TTC7B: variants seen among roughly 807,000 people sequenced by gnomAD.
The protein encoded by TTC7B is tetratricopeptide repeat domain 7B, also known as tetratricopeptide repeat protein 7B.
In TTC7B, 28 loss-of-function variants were observed where a neutral mutation model predicts 106.8. The ratio of observed to expected loss-of-function variants is 0.26; its 90% CI spans 0.19 to 0.36. The LOEUF (loss-of-function observed/expected upper bound fraction) is 0.36. TTC7B is among the 10% of genes least tolerant of loss of function. The pLI, the probability that TTC7B is intolerant of heterozygous loss-of-function variation, is 1.00. For missense variants in TTC7B, 862 were observed against 1,076.4 expected, an observed-to-expected ratio of 0.80 and a Z score of 2.79; for synonymous variants, 405 against 430.6, an observed-to-expected ratio of 0.94 and a Z score of 0.74.
chr14:90,631,926 C>T lies in TTC7B; in HGVS notation c.1751+12122G>A, dbSNP rs1332900950. 3.9e-5 allele frequency among the ~76,000 whole-genome samples: 6 copies of T among 152,128 alleles called. No homozygotes were observed. The East Asian group carries it at 9.6e-4, about 24-fold the overall frequency. ...TATTTGTATATCTTCTTTGGAGAAA[C>T]ATCTATGCAACTCCTTTCCTTTGCC... is the stretch of plus-strand genomic sequence containing the variant. On this transcript the variant is annotated intron_variant, in intron 15 of 19. Transcript: ENST00000328459.
chr14:90,569,417 G>A (rs539378753), intron 19 of TTC7B, among the ~76,000 whole-genome samples: 19 of 152,278 alleles, frequency 1.2e-4, no homozygotes, highest in Admixed American at 8.5e-4. Context: ...CCCAACAGAC[G>A]ACTGGGGAGT....
At chr14:90,609,839 C>A (rs1332593091) in intron 17 of TTC7B, among the ~76,000 whole-genome samples, 1 of 152,150 alleles carries the variant, frequency 6.6e-6, no homozygotes, top group African/African-American at 2.4e-5. Context: ...GGTTGAGCAT[C>A]CCTAATCTGA....
In TTC7B at chr14:90,805,194, G is replaced by A. The variant is rs971195669; in HGVS notation, c.121+10981C>T. 2.0e-5 allele frequency among the ~76,000 whole-genome samples: 3 copies of A among 152,122 alleles called. No homozygotes were observed. The highest frequency in any genetic ancestry group is 6.5e-5 in the Admixed American group (1 of 15,276). ...ATCTCAGACATCAGTCCAGGGCCTC[G>A]GGCCAGTGGCTGGCACACAGTAGGT... On this transcript the variant is annotated intron_variant, in intron 1 of 19. Transcript: ENST00000328459. The surrounding 1 kb of genome is among the most constrained non-coding windows in gnomAD (Gnocchi z 4.0).
Position 90,632,509 on chromosome 14 carries a change from T to C in TTC7B, c.1751+11539A>G, listed in dbSNP as rs527365981. The stretch of plus-strand genomic sequence containing the variant: ...AAAGAATGATTATAACTATGTTTCC[T>C]AGTTTTTTGATTCCAGGTTAACAGG... On this transcript the variant is annotated intron_variant, in intron 15 of 19. Coordinates refer to ENST00000328459, the MANE Select transcript of TTC7B (RefSeq NM_001010854.2). 3.3e-5 allele frequency among the ~76,000 whole-genome samples: 5 copies of C among 152,378 alleles called. No homozygotes were observed. The East Asian group carries it at 9.6e-4, about 29-fold the overall frequency.
At chr14:90,607,254 C>T (rs900861342) in intron 17 of TTC7B, among the ~76,000 whole-genome samples, 4 of 152,226 alleles carry the variant, frequency 2.6e-5, no homozygotes, top group African/African-American at 9.7e-5. Flanking sequence ...AATCTGCCTG[C>T]ACAGCGGGTG....
In TTC7B at chr14:90,635,504, T is replaced by C. The variant is rs1044117943; in HGVS notation, c.1751+8544A>G. 9.2e-5 allele frequency among the ~76,000 whole-genome samples: 14 copies of C among 152,250 alleles called. No homozygotes were observed. In the South Asian group the frequency reaches 2.1e-3, roughly 23 times the overall value. Reference sequence around the variant, plus strand: ...GGCCGGGCGCAGTGGTTCACGCCTGTAATCCCAGCACTTTGGGAGGCCGAG... The same window carrying C: ...GGCCGGGCGCAGTGGTTCACGCCTGCAATCCCAGCACTTTGGGAGGCCGAG... On this transcript the variant is annotated intron_variant, in intron 15 of 19. Coordinates refer to ENST00000328459, the MANE Select transcript of TTC7B (RefSeq NM_001010854.2).
chr14:90,766,839 G>T lies in TTC7B; in HGVS notation c.445+13899C>A, dbSNP rs1451445437. ...ATAGCCAGGTCCTAGCCAATGGTCT[G>T]GACAACAAGCTCCATGAAGACCTGG... On this transcript the variant is annotated intron_variant, in intron 3 of 19. Transcript: ENST00000328459. 6.9e-6 allele frequency: 11 copies of T among 1,596,560 alleles called. No homozygotes were observed. In the Admixed American group the frequency reaches 1.7e-4, roughly 24 times the overall value.
At chr14:90,708,607 A>T (rs933958544) in intron 5 of TTC7B, among the ~76,000 whole-genome samples, 1 of 152,222 alleles carries the variant, frequency 6.6e-6, no homozygotes, top group African/African-American at 2.4e-5. Flanking sequence ...CTTTCCAGAT[A>T]TTACTGCTCA....
At chr14:90,596,220 C>T (rs1595190066) in intron 17 of TTC7B, among the ~76,000 whole-genome samples, 2 of 152,242 alleles carry the variant, frequency 1.3e-5, no homozygotes, top group East Asian at 3.9e-4. Flanking sequence ...CACACATTTT[C>T]TACCAGGTTC....
chr14:90,730,802 C>G (rs767769198), intron 4 of TTC7B, among the ~76,000 whole-genome samples: 3 of 152,234 alleles, frequency 2.0e-5, no homozygotes, highest in Non-Finnish European at 2.9e-5. Context: ...AAAACACCCT[C>G]TCTCCCCAAA....
chr14:90,813,562 GA>G (rs1220596935), intron 1 of TTC7B, among the ~76,000 whole-genome samples: 1 of 151,950 alleles, frequency 6.6e-6, no homozygotes, highest in Non-Finnish European at 1.5e-5. Flanking sequence ...TCTAAAATGA[GA>G]AAACTGAGGC....
intron 1 of TTC7B, among the ~76,000 whole-genome samples, chr14:90,799,486 C>G (rs1823054090): frequency 6.6e-6 from 1 of 152,180 alleles, no homozygotes; most frequent in Admixed American, 6.5e-5. Flanking sequence ...AAGAGGGTGA[C>G]TGGGGCTACT....
chr14:90,562,526 A>C (rs1595161129), intron 19 of TTC7B, among the ~76,000 whole-genome samples: 1 of 152,186 alleles, frequency 6.6e-6, no homozygotes, highest in Admixed American at 6.5e-5. Context: ...AAAAGTTCCA[A>C]CCTGCAGAAA....
rs149529677 is a variant in TTC7B, at chr14:90,592,084, C to T, written c.2107+1402G>A. Among the ~76,000 whole-genome samples the T allele has an allele frequency of 4.9e-3, 739 of 152,326 alleles. 2 individuals are homozygous for T. Among genetic ancestry groups the T allele is most frequent in the Non-Finnish European group, 8.3e-3 (567 of 68,034 alleles). On this transcript the variant is annotated intron_variant, in intron 18 of 19. Transcript: ENST00000328459. ...AAAAGGCTGACTGAGCTGGGCTCTG[C>T]GGCATGCCAAGGCCAGGTAAATCCA...
intron 17 of TTC7B, chr14:90,605,692 G>A: frequency 7.8e-7 from 1 of 1,288,870 alleles, no homozygotes; most frequent in Non-Finnish European, 1.0e-6. Flanking sequence ...AAGATGAGAA[G>A]ACACAAACAG....
rs534312339 is a variant in TTC7B at position 90,597,669 on chromosome 14, C to A, written c.1967-4043G>T. ...GTGAGATTCCATCTAAAAAAAAAAA[C>A]AAAACAACAACAACAAAAAAAACCC... On this transcript the variant is annotated intron_variant, in intron 17 of 19. Coordinates refer to ENST00000328459, the MANE Select transcript of TTC7B (RefSeq NM_001010854.2). Among the ~76,000 whole-genome samples the A allele has an allele frequency of 2.1e-4, 31 of 149,960 alleles. 1 individual carries two copies. The highest frequency in any genetic ancestry group is 1.4e-3 in the Admixed American group (21 of 15,076).
At chr14:90,621,351 C>T (rs527936249) in intron 15 of TTC7B, among the ~76,000 whole-genome samples, 1 of 151,222 alleles carries the variant, frequency 6.6e-6, no homozygotes, top group South Asian at 2.1e-4. Context: ...GCGGGTACGG[C>T]CGGGACGATG....
intron 3 of TTC7B, among the ~76,000 whole-genome samples, chr14:90,772,235 C>A (rs1050513116): frequency 6.6e-6 from 1 of 151,920 alleles, no homozygotes; most frequent in Admixed American, 6.6e-5. Flanking sequence ...TTTCAGGAAA[C>A]CTCTCCTAGG....
intron 15 of TTC7B, among the ~76,000 whole-genome samples, chr14:90,622,885 TC>T (rs779736575): frequency 6.6e-6 from 1 of 152,196 alleles, no homozygotes; most frequent in Non-Finnish European, 1.5e-5. Flanking sequence ...GCGGTCTGGC[TC>T]CTGTCCACCC....
Sources: allele counts gnomAD v4.1 joint callset (sites outside exome capture counted in the v4.1 genomes callset), GRCh38; gene constraint gnomAD v4.1.1; non-coding constraint Gnocchi (gnomAD v3.1); transcripts MANE v1.5; gene names NCBI Gene and HGNC (gene_info 2026-07-23, HGNC 2026-07-21).